The following FANCB variants were observed in gnomAD, a reference collection of about 807,000 sequenced individuals.
FANCB encodes the protein Fanconi anemia group B protein.
FANCB carries 5 observed loss-of-function variants against 38.9 expected under a neutral mutation model. The ratio of observed to expected loss-of-function variants is 0.13; its 90% CI spans 0.07 to 0.27. The LOEUF is 0.27. FANCB is among the 10% of genes least tolerant of loss of function. The probability of loss-of-function intolerance (pLI) is 1.00; values close to 1 mark genes in which losing one functional copy is unlikely to be tolerated. For synonymous variants in FANCB, 236 were observed against 215.4 expected (o/e 1.10, Z -0.84); for missense variants, 573 against 602.7 (o/e 0.95, Z 0.52).
In FANCB at chrX:14,853,752, A is replaced by T. The variant is rs192378659; in HGVS notation, c.1198-585T>A. ...AGTCTACTGAAAACTACTGAAAAAA[A>T]TAACAATTTGGCTCTGAACTGGGCA... On this transcript the variant is annotated intron_variant, in intron 5 of 9. Coordinates refer to ENST00000650831, the MANE Select transcript of FANCB (RefSeq NM_001018113.3). Among the ~76,000 whole-genome samples the T allele has an allele frequency of 4.6e-3, 517 of 112,162 alleles. 3 individuals carry two copies. Among genetic ancestry groups the T allele is most frequent in the African/African-American group, 0.016 (490 of 30,951 alleles).
At chrX:14,844,474 T>C (rs922251995) in intron 9 of FANCB, 29 bp downstream of exon 9, 13 of 1,046,268 alleles carry the variant, frequency 1.2e-5, no homozygotes, top group Non-Finnish European at 1.7e-5. Flanking sequence ...CTCACTTCTC[T>C]GGACCAATTA....
chrX:14,810,829 C>T, the FANCB span, among the ~76,000 whole-genome samples: 3 of 110,916 alleles, frequency 2.7e-5, no homozygotes, highest in Non-Finnish European at 5.7e-5. Flanking sequence ...CACAAAGATA[C>T]TCCTCAAGAA....
chrX:14,826,683 G>A, the FANCB span, among the ~76,000 whole-genome samples: 2 of 111,491 alleles, frequency 1.8e-5, no homozygotes, highest in Admixed American at 9.5e-5. Context: ...CTGTATTATC[G>A]AGATTAGTTC....
At chrX:14,699,102 C>A in the FANCB span, among the ~76,000 whole-genome samples, 2 of 112,183 alleles carry the variant, frequency 1.8e-5, 1 homozygote, top group South Asian at 7.5e-4. Flanking sequence ...ACAGAACTGG[C>A]CAACCCCAGT....
intron 6 of FANCB, among the ~76,000 whole-genome samples, chrX:14,851,441 A>G (rs1357821830): frequency 1.8e-5 from 2 of 111,704 alleles, no homozygotes; most frequent in Admixed American, 1.9e-4. Context: ...AACTCGTTCC[A>G]GAGCCCATGC....
chrX:14,830,674 A>C, the FANCB span, among the ~76,000 whole-genome samples: 3 of 111,697 alleles, frequency 2.7e-5, no homozygotes, highest in African/African-American at 9.8e-5. Context: ...TTTGCCTCTT[A>C]CTGTCCTGCC....
chrX:14,811,391 G>A, the FANCB span, among the ~76,000 whole-genome samples: 1 of 111,293 alleles, frequency 9.0e-6, no homozygotes, highest in African/African-American at 3.3e-5. Flanking sequence ...AAAGAGTCAA[G>A]ACCCATCAGT....
chrX:14,694,166 G>T, the FANCB span, among the ~76,000 whole-genome samples: 2 of 111,877 alleles, frequency 1.8e-5, no homozygotes, highest in South Asian at 7.4e-4. Context: ...ATCAGCATTT[G>T]GGAAGAACCA....
At chrX:14,798,890 TG>T in the FANCB span, among the ~76,000 whole-genome samples, 1 of 111,370 alleles carries the variant, frequency 9.0e-6, no homozygotes, top group Non-Finnish European at 1.9e-5. Flanking sequence ...AGGAAACTGG[TG>T]AAATTGCTGC....
chrX:14,796,096 A>G, the FANCB span, among the ~76,000 whole-genome samples: 1 of 111,688 alleles, frequency 9.0e-6, no homozygotes, highest in Non-Finnish European at 1.9e-5. Context: ...CTATGGTTGT[A>G]GTAACCTATG....
the FANCB span, chrX:14,730,326 G>A: frequency 1.3e-5 from 16 of 1,208,366 alleles, no homozygotes; most frequent in African/African-American, 5.3e-5. Flanking sequence ...TCCCACAACC[G>A]CCAAAAGATG....
the FANCB span, chrX:14,690,587 A>G: frequency 8.4e-6 from 4 of 477,543 alleles, no homozygotes; most frequent in African/African-American, 7.2e-5. Context: ...ATCATTGACC[A>G]AGGAAATTAG....
the FANCB span, among the ~76,000 whole-genome samples, chrX:14,715,367 T>A: frequency 2.7e-5 from 3 of 112,423 alleles, no homozygotes; most frequent in Non-Finnish European, 3.8e-5. Flanking sequence ...TACAAAATAC[T>A]TTTTTCATAT....
the FANCB span, among the ~76,000 whole-genome samples, chrX:14,757,533 G>A: frequency 8.9e-5 from 10 of 111,943 alleles, no homozygotes; most frequent in Admixed American, 2.8e-4. Context: ...AGAATGAAAG[G>A]GAGATCATCT....
intron 5 of FANCB, among the ~76,000 whole-genome samples, chrX:14,855,100 T>A (rs1345471833): frequency 9.0e-6 from 1 of 111,601 alleles, no homozygotes; most frequent in Non-Finnish European, 1.9e-5. Context: ...TGATGGGTAT[T>A]TGGGTTATGC....
At chrX:14,730,667 A>C in the FANCB span, 1 of 425,687 alleles carries the variant, frequency 2.3e-6, no homozygotes, top group East Asian at 3.8e-5. Flanking sequence ...TGATGAAGAA[A>C]ACTGCACAAA....
the FANCB span, among the ~76,000 whole-genome samples, chrX:14,807,615 T>G: frequency 8.9e-6 from 1 of 111,927 alleles, no homozygotes; most frequent in African/African-American, 3.2e-5. Context: ...CTCTCCATGA[T>G]GCTTAGATTC....
the FANCB span, among the ~76,000 whole-genome samples, chrX:14,824,368 G>A: frequency 3.3e-4 from 37 of 111,376 alleles, no homozygotes; most frequent in East Asian, 6.5e-3. Flanking sequence ...ACTCTTTTAC[G>A]GTTTTTTTTA....
the FANCB span, among the ~76,000 whole-genome samples, chrX:14,789,919 A>C: frequency 8.9e-6 from 1 of 112,439 alleles, no homozygotes; most frequent in East Asian, 2.8e-4. Flanking sequence ...GAATATATGT[A>C]AACAATCTAA....
Sources: allele counts gnomAD v4.1 joint callset (sites outside exome capture counted in the v4.1 genomes callset), GRCh38; gene constraint gnomAD v4.1.1; transcripts MANE v1.5; gene names NCBI Gene and HGNC (gene_info 2026-07-23, HGNC 2026-07-21).